Variants in TTLL11 observed in about 807,000 individuals in gnomAD.
TTLL11 encodes tubulin tyrosine ligase like 11.
In TTLL11, 42 loss-of-function variants were observed where a neutral mutation model predicts 51.7. That is an observed-to-expected ratio of 0.81 (90% confidence interval 0.64 to 1.05). The LOEUF (loss-of-function observed/expected upper bound fraction) is 1.05, where lower values mean the gene tolerates loss of function less well. TTLL11 is among the 50% of genes least tolerant of loss of function. The pLI is 0.00. For synonymous variants in TTLL11, 381 were observed against 383.5 expected (o/e 0.99, Z 0.08); for missense variants, 799 against 940.4 (o/e 0.85, Z 1.97).
intron 1 of TTLL11, among the ~76,000 whole-genome samples, chr9:122,041,729 C>T (rs554884052): frequency 4.2e-4 from 64 of 151,962 alleles, no homozygotes; most frequent in Non-Finnish European, 8.5e-4. Flanking sequence ...AAGACTTGTA[C>T]ACTGAAAACT....
intron 7 of TTLL11, among the ~76,000 whole-genome samples, chr9:121,865,755 T>C (rs1178161640): frequency 6.6e-6 from 1 of 152,150 alleles, no homozygotes; most frequent in African/African-American, 2.4e-5. Flanking sequence ...GGCACTTAAT[T>C]CATGGTAATA....
At chr9:122,070,177 T>C (rs1336767359) in intron 1 of TTLL11, among the ~76,000 whole-genome samples, 2 of 152,172 alleles carry the variant, frequency 1.3e-5, no homozygotes, top group Non-Finnish European at 1.5e-5. Context: ...TGGCTCCTTC[T>C]GCAGGGCAGG....
intron 6 of TTLL11, among the ~76,000 whole-genome samples, chr9:121,940,554 T>C (rs1730775929): frequency 6.6e-6 from 1 of 152,098 alleles, no homozygotes; most frequent in African/African-American, 2.4e-5. Flanking sequence ...GGTTTCACTA[T>C]GTCTCGAACT....
At chr9:121,886,603 C>T (rs761983145) in intron 6 of TTLL11, among the ~76,000 whole-genome samples, 11 of 152,198 alleles carry the variant, frequency 7.2e-5, no homozygotes, top group Non-Finnish European at 1.3e-4. Flanking sequence ...GCCTCCAGCA[C>T]TGTGAAAGAA....
intron 6 of TTLL11, among the ~76,000 whole-genome samples, chr9:121,933,051 T>C (rs747540914): frequency 7.2e-5 from 11 of 152,210 alleles, no homozygotes; most frequent in Non-Finnish European, 1.2e-4. Context: ...AAAATGTCGG[T>C]TAGTTTTTCC....
chr9:121,857,516 G>A (rs772105750), intron 8 of TTLL11, among the ~76,000 whole-genome samples: 12 of 152,164 alleles, frequency 7.9e-5, no homozygotes, highest in African/African-American at 9.7e-5. Context: ...AAGGCCTGGC[G>A]TGAGAATTTG....
chr9:122,015,136 G>A (rs1266725174), intron 3 of TTLL11, among the ~76,000 whole-genome samples: 3 of 152,158 alleles, frequency 2.0e-5, no homozygotes, highest in Non-Finnish European at 2.9e-5. Context: ...TAAACTGCAA[G>A]CACAACACAG....
At chr9:121,936,376 C>T (rs1415356698) in intron 6 of TTLL11, among the ~76,000 whole-genome samples, 1 of 151,980 alleles carries the variant, frequency 6.6e-6, no homozygotes, top group African/African-American at 2.4e-5. Flanking sequence ...TGATCCTCCT[C>T]ACCTTGGTCT....
chr9:121,837,246 C>A (rs1837206103), intron 8 of TTLL11, among the ~76,000 whole-genome samples: 1 of 152,036 alleles, frequency 6.6e-6, no homozygotes, highest in Admixed American at 6.6e-5. Flanking sequence ...CAATGAACAT[C>A]TTTGTGTATA....
chr9:122,062,879 A>C (rs1470489213), intron 1 of TTLL11, among the ~76,000 whole-genome samples: 1 of 152,044 alleles, frequency 6.6e-6, no homozygotes, highest in Non-Finnish European at 1.5e-5. Flanking sequence ...TCCCAGGCTC[A>C]AGCAATCCTC....
chr9:122,055,062 A>G (rs1429164967), intron 1 of TTLL11, among the ~76,000 whole-genome samples: 6 of 152,162 alleles, frequency 3.9e-5, no homozygotes, highest in Non-Finnish European at 8.8e-5. Context: ...TCAACACATA[A>G]GCAAGTCATG....
At chr9:122,009,556 C>T (rs903118162) in intron 3 of TTLL11, among the ~76,000 whole-genome samples, 47 of 151,302 alleles carry the variant, frequency 3.1e-4, no homozygotes, top group African/African-American at 1.1e-3. Context: ...ACTCTATATA[C>T]CATAATGTGT....
intron 1 of TTLL11, among the ~76,000 whole-genome samples, chr9:122,088,921 G>T (rs750468478): frequency 6.7e-6 from 1 of 149,540 alleles, no homozygotes; most frequent in African/African-American, 2.5e-5. Flanking sequence ...CAGGAGAACT[G>T]CTTGAACCTC....
intron 8 of TTLL11, among the ~76,000 whole-genome samples, chr9:121,847,781 A>G (rs1837559286): frequency 1.3e-5 from 2 of 152,240 alleles, no homozygotes; most frequent in East Asian, 3.8e-4. Context: ...AAGCAGAGAA[A>G]ACACTTCCTA....
intron 3 of TTLL11, among the ~76,000 whole-genome samples, chr9:121,994,861 G>A (rs960151829): frequency 6.6e-6 from 1 of 152,212 alleles, no homozygotes; most frequent in Admixed American, 6.5e-5. Flanking sequence ...TCCAAACTGA[G>A]GCTGCAGTGG....
At chr9:121,990,439 A>G (rs1843078431) in intron 3 of TTLL11, among the ~76,000 whole-genome samples, 1 of 152,244 alleles carries the variant, frequency 6.6e-6, no homozygotes, top group African/African-American at 2.4e-5. Flanking sequence ...AGACAATCCA[A>G]AGCCTGGCTG....
At chr9:121,835,414 A>T (rs1837156178) in intron 8 of TTLL11, among the ~76,000 whole-genome samples, 1 of 152,022 alleles carries the variant, frequency 6.6e-6, no homozygotes, top group South Asian at 2.1e-4. Flanking sequence ...TTCTCCCCCA[A>T]CCCAGATGGA....
Position 122,078,931 on chromosome 9 carries a change from C to T in TTLL11, c.462+13756G>A, listed in dbSNP as rs911300332. Among the ~76,000 whole-genome samples the T allele has an allele frequency of 5.3e-5, 8 of 152,194 alleles. No individual in the cohort carries two copies. In the East Asian group the frequency reaches 5.8e-4, roughly 11 times the overall value. On this transcript the variant is annotated intron_variant, in intron 1 of 8. Coordinates refer to ENST00000321582, the MANE Select transcript of TTLL11 (RefSeq NM_001139442.2). ...CTGAAAAAAACAAAGCTCATTCTTA[C>T]GAAGAAAGTTTAGAGTACTGTTACA... is the stretch of plus-strand genomic sequence containing the variant.
chr9:121,825,365 C>G (rs1836720304), intron 8 of TTLL11, among the ~76,000 whole-genome samples: 1 of 152,106 alleles, frequency 6.6e-6, no homozygotes, highest in Non-Finnish European at 1.5e-5. Context: ...GGCTGGCTGA[C>G]AGTGCCAAGC....
Sources: allele counts gnomAD v4.1 joint callset (sites outside exome capture counted in the v4.1 genomes callset), GRCh38; gene constraint gnomAD v4.1.1; transcripts MANE v1.5; gene names NCBI Gene and HGNC (gene_info 2026-07-23, HGNC 2026-07-21).